MAN2A1: variants seen among roughly 807,000 people sequenced by gnomAD.
MAN2A1 encodes mannosidase alpha class 2A member 1, also known as alpha-mannosidase 2.
MAN2A1 carries 76 observed loss-of-function variants against 142.6 expected under a neutral mutation model. The observed-to-expected ratio is 0.53, with a 90% CI of 0.44 to 0.65. The LOEUF is 0.65. MAN2A1 is among the 30% of genes least tolerant of loss of function. The probability of loss-of-function intolerance (pLI) is 0.00; values close to 1 mark genes in which losing one functional copy is unlikely to be tolerated. For missense variants in MAN2A1, 1,311 were observed against 1,365.1 expected (o/e 0.96, Z 0.62); for synonymous variants, 559 against 473.2 (o/e 1.18, Z -2.35).
chr5:109,829,065 CTA>C (rs145705629), intron 16 of MAN2A1, among the ~76,000 whole-genome samples: 12,935 of 152,162 alleles, frequency 0.085, 633 homozygotes, highest in African/African-American at 0.15. Flanking sequence ...AAAATATAAA[CTA>C]TTTCTCAACA....
chr5:109,761,817 A>G (rs1752851977), intron 5 of MAN2A1, among the ~76,000 whole-genome samples: 1 of 152,034 alleles, frequency 6.6e-6, no homozygotes, highest in South Asian at 2.1e-4. Flanking sequence ...AATGTTAAAA[A>G]TTTCTCCAAA....
chr5:109,793,610 T>A (rs1753789721), intron 12 of MAN2A1, among the ~76,000 whole-genome samples: 1 of 152,094 alleles, frequency 6.6e-6, no homozygotes, highest in Non-Finnish European at 1.5e-5. Context: ...TTAAGACCGT[T>A]ACAAATAAAG....
intron 4 of MAN2A1, among the ~76,000 whole-genome samples, chr5:109,732,361 A>G (rs186009149): frequency 0.022 from 3,305 of 151,960 alleles, 123 homozygotes; most frequent in African/African-American, 0.075. Context: ...AAGCTCTTTA[A>G]TTTAATTAGA....
intron 16 of MAN2A1, among the ~76,000 whole-genome samples, chr5:109,829,044 G>A (rs1265609968): frequency 6.6e-6 from 1 of 151,462 alleles, no homozygotes; most frequent in Non-Finnish European, 1.5e-5. Flanking sequence ...GGAATTAAAA[G>A]ATAAAAATTA....
rs369462726 is a variant in MAN2A1, at chr5:109,798,854, TTTG to T, written c.1943+9338_1943+9340del. Among the ~76,000 whole-genome samples, 46 of 152,068 alleles carry T rather than the reference TTTG, an allele frequency of 3.0e-4. No homozygotes were observed. The East Asian group carries it at 7.8e-3, about 26-fold the overall frequency. Reference sequence around the variant, plus strand: ...CCGCCACCACACTGGGCCAATTTTTTTTGTTGTTGTTGTATTTTTAGTAGAGAC... The same window carrying T: ...CCGCCACCACACTGGGCCAATTTTTTTTGTTGTTGTATTTTTAGTAGAGAC... On this transcript the variant is annotated intron_variant, in intron 12 of 21. Transcript: ENST00000261483.
chr5:109,849,879 C>T (rs1755441036), intron 19 of MAN2A1, among the ~76,000 whole-genome samples: 1 of 152,194 alleles, frequency 6.6e-6, no homozygotes, highest in African/African-American at 2.4e-5. Flanking sequence ...ATGCCTTTTA[C>T]TGTGTCTGCT....
chr5:109,808,280 A>G (rs1419534535), intron 12 of MAN2A1, among the ~76,000 whole-genome samples: 4 of 152,204 alleles, frequency 2.6e-5, no homozygotes, highest in East Asian at 1.9e-4. Context: ...TTTCTAATAA[A>G]CACGTAACTT....
At chr5:109,779,594 G>T (rs1257260260) in intron 8 of MAN2A1, among the ~76,000 whole-genome samples, 2 of 142,724 alleles carry the variant, frequency 1.4e-5, no homozygotes, top group African/African-American at 5.5e-5. Context: ...AACACACACA[G>T]TCTTCTTCCT....
intron 12 of MAN2A1, among the ~76,000 whole-genome samples, chr5:109,801,518 T>C (rs1256554281): frequency 1.3e-5 from 2 of 152,194 alleles, no homozygotes; most frequent in African/African-American, 4.8e-5. Flanking sequence ...TAAATAAAAT[T>C]GGCTTTCTAT....
At chr5:109,749,643 G>T (rs1458784050) in intron 4 of MAN2A1, among the ~76,000 whole-genome samples, 1 of 152,012 alleles carries the variant, frequency 6.6e-6, no homozygotes, top group Non-Finnish European at 1.5e-5. Flanking sequence ...GAAATATCAT[G>T]AAGTGTACAT....
chr5:109,855,412 A>G, intron 20 of MAN2A1, 78 bp downstream of exon 20: 4 of 883,672 alleles, frequency 4.5e-6, no homozygotes, highest in Non-Finnish European at 6.4e-6. Flanking sequence ...AAGGAGAAAA[A>G]AATAATGTAT....
intron 1 of MAN2A1, among the ~76,000 whole-genome samples, chr5:109,697,151 T>C (rs1750838595): frequency 1.3e-5 from 2 of 152,216 alleles, no homozygotes; most frequent in South Asian, 4.1e-4. Context: ...GATATATTGA[T>C]TAATAAGGTA....
At chr5:109,746,760 C>A (rs980915797) in intron 4 of MAN2A1, among the ~76,000 whole-genome samples, 1 of 152,248 alleles carries the variant, frequency 6.6e-6, no homozygotes, top group African/African-American at 2.4e-5. Flanking sequence ...ACCTGTTGAA[C>A]AGTAATTCCC....
Position 109,820,213 on chromosome 5 carries a change from T to C in MAN2A1, c.2329-7T>C. The C allele has an allele frequency of 6.3e-7, 1 of 1,599,938 alleles. No homozygotes were observed. On this transcript the variant is annotated splice_polypyrimidine_tract_variant and splice_region_variant and intron_variant, in intron 14 of 21. Transcript: ENST00000261483. ...AGTTGCTTATTATTATTTTTTTTAA[T>C]CTTTAGCAAATGATGACTAAAGAAG...
intron 4 of MAN2A1, among the ~76,000 whole-genome samples, chr5:109,737,031 G>A (rs187782968): frequency 1.3e-5 from 2 of 148,620 alleles, no homozygotes; most frequent in Admixed American, 1.3e-4. Flanking sequence ...TTTTTTCCCA[G>A]TTATACTTTA....
At chr5:109,701,386 G>A (rs189715152) in intron 1 of MAN2A1, among the ~76,000 whole-genome samples, 1 of 152,304 alleles carries the variant, frequency 6.6e-6, no homozygotes, top group Non-Finnish European at 1.5e-5. Flanking sequence ...TGGTGCCTGT[G>A]AAGAGTAGTT....
At chr5:109,767,417 A>G in intron 5 of MAN2A1, 118 bp from the exon 6 acceptor site, 1 of 756,432 alleles carries the variant, frequency 1.3e-6, no homozygotes, top group Admixed American at 2.8e-5. Context: ...TGCTGGGTAG[A>G]TCCTTGGTCT....
chr5:109,814,011 G>T (rs1342028971), intron 12 of MAN2A1, among the ~76,000 whole-genome samples: 2 of 152,152 alleles, frequency 1.3e-5, no homozygotes, highest in East Asian at 3.9e-4. Flanking sequence ...ATGGAGAACT[G>T]AGATAATTGC....
At chr5:109,699,912 A>G (rs1046704249) in intron 1 of MAN2A1, 2 of 152,256 alleles carry the variant, frequency 1.3e-5, no homozygotes, top group South Asian at 4.1e-4. Flanking sequence ...ATGATATTAA[A>G]TACCATGCAG....
Sources: gnomAD v4.1 joint callset for allele counts (sites outside exome capture counted in the v4.1 genomes callset) on GRCh38, gnomAD v4.1.1 for gene constraint, MANE v1.5 for transcripts, NCBI Gene and HGNC (gene_info 2026-07-23, HGNC 2026-07-21) for gene names.